Variants in RRM2 observed in about 807,000 individuals in gnomAD.
The protein encoded by RRM2 is ribonucleotide reductase regulatory subunit M2.
A neutral mutation model predicts 45.9 loss-of-function variants in RRM2; 6 were observed. The ratio of observed to expected loss-of-function variants is 0.13; its 90% CI spans 0.07 to 0.26. RRM2 has a LOEUF of 0.26. Ranked by LOEUF, RRM2 falls within the 10% of genes least tolerant of loss-of-function variation. The pLI, the probability that RRM2 is intolerant of heterozygous loss-of-function variation, is 1.00. For missense variants in RRM2, 343 were observed against 489.5 expected (o/e 0.70, Z 2.82); for synonymous variants, 177 against 173.0 (o/e 1.02, Z -0.18).
Position 10,169,640 on chromosome 2 carries a change from C to T in RRM2, n.482+27265C>T, listed in dbSNP as rs539680636. Among the ~76,000 whole-genome samples the T allele has an allele frequency of 2.0e-5, 3 of 152,268 alleles. No individual in the cohort carries two copies. The highest frequency in any genetic ancestry group is 3.9e-4 in the East Asian group (2 of 5,172). On this transcript the variant is annotated intron_variant and non_coding_transcript_variant, in intron 3 of 3. Transcript: ENST00000381786. This position sits in a 1 kb window ranked among gnomAD's most constrained non-coding sequence, Gnocchi z 5.1. ...GCTGCTCCTTGGAAGCTGGCAGGCA[C>T]GGCCACAGAATATGCGCCCCTTTCC...
intron 3 of RRM2, among the ~76,000 whole-genome samples, chr2:10,181,057 G>A (rs1362870745): frequency 2.6e-5 from 4 of 152,276 alleles, no homozygotes; most frequent in African/African-American, 4.8e-5. Flanking sequence ...GTGAGCCACC[G>A]CACCCAGCCC....
chr2:10,124,174 T>G, intron 4 of RRM2: 1 of 287,302 alleles, frequency 3.5e-6, no homozygotes, highest in Non-Finnish European at 6.6e-6. Flanking sequence ...GGTGTGATCT[T>G]GGCTCACTGC....
intron 3 of RRM2, among the ~76,000 whole-genome samples, chr2:10,162,208 G>A (rs1663576007): frequency 6.6e-6 from 1 of 152,208 alleles, no homozygotes; most frequent in Non-Finnish European, 1.5e-5. Flanking sequence ...AGGAGACAGG[G>A]CACAGCCGAG....
In RRM2 at chr2:10,123,313, G is replaced by A. The variant is rs770753790; in HGVS notation, c.175-74G>A. 92 of 1,508,486 alleles carry A rather than the reference G, an allele frequency of 6.1e-5. No individual in the cohort carries two copies. In the South Asian group the frequency reaches 1.0e-3, roughly 17 times the overall value. The allele number at this position is 1,508,486 out of a possible 1,614,324, so 93.4% of individuals were successfully genotyped here. Reference sequence around the variant, plus strand: ...CCCGTGAAATTGCCGCCAATGGAAAGGACTTGGTCCAGAAAAACGTTAGTT... The same window carrying A: ...CCCGTGAAATTGCCGCCAATGGAAAAGACTTGGTCCAGAAAAACGTTAGTT... On this transcript the variant is annotated intron_variant, in intron 2 of 9. Coordinates refer to ENST00000304567, the MANE Select transcript of RRM2 (RefSeq NM_001034.4).
chr2:10,207,612 G>A (rs980425325), intron 3 of RRM2, among the ~76,000 whole-genome samples: 9 of 152,192 alleles, frequency 5.9e-5, no homozygotes, highest in African/African-American at 2.2e-4. Context: ...GCTCTTGTCT[G>A]TGCTGTTTTC....
chr2:10,135,303 A>G (rs1201275583), downstream of RRM2, among the ~76,000 whole-genome samples: 7 of 152,214 alleles, frequency 4.6e-5, no homozygotes, highest in Non-Finnish European at 1.0e-4. Flanking sequence ...AGCCTGAGCA[A>G]CAGTGAGACC....
chr2:10,163,859 T>A (rs2125319827), intron 3 of RRM2, among the ~76,000 whole-genome samples: 1 of 152,374 alleles, frequency 6.6e-6, no homozygotes, highest in South Asian at 2.1e-4. Flanking sequence ...GCCTCTTGGC[T>A]GTGTGACGTT....
intron 3 of RRM2, among the ~76,000 whole-genome samples, chr2:10,174,234 A>G (rs1313664217): frequency 6.6e-6 from 1 of 152,174 alleles, no homozygotes; most frequent in Admixed American, 6.5e-5. Flanking sequence ...AGTCCCCAGA[A>G]CTGTGAGAAG....
chr2:10,165,821 G>T (rs1663667155), intron 3 of RRM2, among the ~76,000 whole-genome samples: 1 of 152,214 alleles, frequency 6.6e-6, no homozygotes, highest in African/African-American at 2.4e-5. Context: ...ATAAGTGCAG[G>T]GGTCCAGGGC....
At chr2:10,145,753 T>C (rs1663174197) in intron 3 of RRM2, 1 of 152,186 alleles carries the variant, frequency 6.6e-6, no homozygotes, top group Non-Finnish European at 1.5e-5. Context: ...TGAGGCGTGT[T>C]GAGGATCCAG....
intron 3 of RRM2, among the ~76,000 whole-genome samples, chr2:10,203,578 ATC>A (rs1335763414): frequency 6.6e-6 from 1 of 151,982 alleles, no homozygotes; most frequent in Non-Finnish European, 1.5e-5. Context: ...GTGAAACCCC[ATC>A]TCTCTACTAA....
intron 3 of RRM2, among the ~76,000 whole-genome samples, chr2:10,188,324 G>A (rs536292061): frequency 2.0e-5 from 3 of 152,348 alleles, no homozygotes; most frequent in Admixed American, 1.3e-4. Flanking sequence ...CTGGTGTCTG[G>A]AAGTCTAAAA....
At chr2:10,133,915 G>C (rs1048245823), downstream of RRM2, among the ~76,000 whole-genome samples, 1 of 151,770 alleles carries the variant, frequency 6.6e-6, no homozygotes, top group Non-Finnish European at 1.5e-5. Flanking sequence ...ATGGTGGCTC[G>C]CGCCTGTAAT....
In RRM2 at chr2:10,205,110, G is replaced by A. The variant is rs1009370548; in HGVS notation, n.483-5201G>A. On this transcript the variant is annotated intron_variant and non_coding_transcript_variant, in intron 3 of 3. Coordinates refer to the RRM2 transcript ENST00000381786. The surrounding 1 kb of genome is among the most constrained non-coding windows in gnomAD (Gnocchi z 4.8). Reference sequence around the variant, plus strand: ...CTTCTTTGTCCTTACCGTCTCTTCAGAATCTGTCTGCTTCACCCTGAATCT... The same window carrying A: ...CTTCTTTGTCCTTACCGTCTCTTCAAAATCTGTCTGCTTCACCCTGAATCT... Among the ~76,000 whole-genome samples the A allele has an allele frequency of 1.3e-5, 2 of 152,216 alleles. No homozygotes were observed. The highest frequency in any genetic ancestry group is 3.8e-4 in the East Asian group (2 of 5,204).
chr2:10,127,195 C>T lies in RRM2; in HGVS notation c.773C>T (p.Ser258Phe). ...KRGLMPGLTF[S>F]NELISRDEGL... is the part of the protein sequence containing the mutation. ...GGACTGATGCCTGGCCTCACATTTTCTAATGAACTTATTAGCAGAGATGAG... is the reference window on the plus strand; with the variant it reads ...GGACTGATGCCTGGCCTCACATTTTTTAATGAACTTATTAGCAGAGATGAG... The change falls in exon 7 of 10, where the codon TCT (serine) becomes TTT (phenylalanine). Residue 258 changes from serine (S) to phenylalanine (F), a missense_variant. Physicochemically the swap from Ser to Phe is radical, Grantham distance 155. Transcript: ENST00000304567. This position sits in a 1 kb window ranked among gnomAD's most constrained non-coding sequence, Gnocchi z 4.1. The T allele has an allele frequency of 6.2e-7, 1 of 1,614,052 alleles. No homozygotes were observed. Among genetic ancestry groups the T allele is most frequent in the Non-Finnish European group, 8.5e-7 (1 of 1,180,034 alleles).
chr2:10,145,416 C>T (rs745762542), intron 3 of RRM2: 5 of 152,266 alleles, frequency 3.3e-5, no homozygotes, highest in Non-Finnish European at 5.9e-5. Context: ...ATGTGCAGCT[C>T]GTTCTGGCGT....
At chr2:10,200,676 A>G (rs1664546175) in intron 3 of RRM2, among the ~76,000 whole-genome samples, 1 of 131,904 alleles carries the variant, frequency 7.6e-6, no homozygotes, top group Non-Finnish European at 1.7e-5. Context: ...GCCCACAGGG[A>G]CTGCGCGCAC....
rs533155234 is a variant in RRM2 at position 10,127,496 on chromosome 2, C to T, written c.798+276C>T. On this transcript the variant is annotated intron_variant, in intron 7 of 9. Coordinates refer to ENST00000304567, the MANE Select transcript of RRM2 (RefSeq NM_001034.4). This position sits in a 1 kb window ranked among gnomAD's most constrained non-coding sequence, Gnocchi z 4.1. The stretch of plus-strand genomic sequence containing the variant: ...ACAAGTTCTTTGTTTTTTGAGGTGA[C>T]GGAATCTTGCTCTGTCGTTCCAGGC... 1.3e-5 allele frequency: 4 copies of T among 298,972 alleles called. No individual in the cohort carries two copies. Among genetic ancestry groups the T allele is most frequent in the South Asian group, 5.5e-5 (1 of 18,152 alleles). The allele number at this position is 298,972 out of a possible 1,614,324, so 18.5% of individuals were successfully genotyped here.
At position 10,200,672 on chromosome 2, in the gene RRM2, A is replaced by G. The variant is rs531029366; in HGVS notation, n.483-9639A>G. On this transcript the variant is annotated intron_variant and non_coding_transcript_variant, in intron 3 of 3. Coordinates refer to the RRM2 transcript ENST00000381786. ...CGCGCACACAAAATATGAGGCCCACAGGGACTGCGCGCACAAATTATGAGT... is the reference window on the plus strand; with the variant it reads ...CGCGCACACAAAATATGAGGCCCACGGGGACTGCGCGCACAAATTATGAGT... Among the ~76,000 whole-genome samples, 342 of 123,152 alleles carry G rather than the reference A, an allele frequency of 2.8e-3. 8 individuals carry two copies. Among genetic ancestry groups the G allele is most frequent in the Middle Eastern group, 0.013 (3 of 240 alleles). The allele number at this position is 123,152 out of a possible 152,430, so 80.8% of individuals were successfully genotyped here. A position where few individuals can be genotyped will look rare whatever the true frequency, so the allele number is the denominator to read the frequency against.
Sources: gnomAD v4.1 joint callset for allele counts (sites outside exome capture counted in the v4.1 genomes callset) on GRCh38, gnomAD v4.1.1 for gene constraint, Gnocchi (gnomAD v3.1) non-coding constraint, MANE v1.5 for transcripts, NCBI Gene and HGNC (gene_info 2026-07-23, HGNC 2026-07-21) for gene names.